Variants in PTPRG observed in about 807,000 individuals in gnomAD.
The protein encoded by PTPRG is protein tyrosine phosphatase receptor type G.
A neutral mutation model predicts 165.3 loss-of-function variants in PTPRG; 102 were observed. That is an observed-to-expected ratio of 0.62 (90% CI 0.53 to 0.73). The LOEUF (loss-of-function observed/expected upper bound fraction) is 0.73, where lower values mean the gene tolerates loss of function less well. Ranked by LOEUF, PTPRG falls within the 30% of genes least tolerant of loss-of-function variation. The probability of loss-of-function intolerance (pLI) is 0.00; values close to 1 mark genes in which losing one functional copy is unlikely to be tolerated. For synonymous variants in PTPRG, 675 were observed against 669.5 expected, an observed-to-expected ratio of 1.01 and a Z score of -0.13; for missense variants, 1,866 against 1,861.4, an observed-to-expected ratio of 1.00 and a Z score of -0.05.
At chr3:61,690,696 T>G (rs1345648763) in intron 1 of PTPRG, among the ~76,000 whole-genome samples, 1 of 152,180 alleles carries the variant, frequency 6.6e-6, no homozygotes, top group East Asian at 1.9e-4. Context: ...AGAAAACTGT[T>G]CACTCAGATG....
At chr3:62,097,005 A>G (rs998540830) in intron 5 of PTPRG, among the ~76,000 whole-genome samples, 4 of 152,200 alleles carry the variant, frequency 2.6e-5, no homozygotes, top group East Asian at 3.9e-4. Context: ...CGCCCATCTT[A>G]AAAGTGAAAT....
intron 15 of PTPRG, among the ~76,000 whole-genome samples, chr3:62,248,287 T>TA (rs1303621916): frequency 1.3e-5 from 2 of 152,162 alleles, no homozygotes; most frequent in African/African-American, 4.8e-5. Context: ...GCAGGAGAGA[T>TA]ACGTTAAACT....
At chr3:62,187,501 G>A (rs1305792965) in intron 8 of PTPRG, among the ~76,000 whole-genome samples, 1 of 152,156 alleles carries the variant, frequency 6.6e-6, no homozygotes, top group African/African-American at 2.4e-5. Context: ...AATTGAACTT[G>A]TGTCCATAGA....
intron 1 of PTPRG, among the ~76,000 whole-genome samples, chr3:61,612,121 T>G (rs1453277686): frequency 1.3e-5 from 2 of 152,128 alleles, no homozygotes; most frequent in Non-Finnish European, 2.9e-5. Context: ...TTTTGTATTT[T>G]TGGTAGAGAC....
At chr3:62,147,290 T>C (rs1336024968) in intron 6 of PTPRG, among the ~76,000 whole-genome samples, 1 of 152,148 alleles carries the variant, frequency 6.6e-6, no homozygotes, top group Non-Finnish European at 1.5e-5. Flanking sequence ...AAACTGAGGC[T>C]AGAGAACCCA....
In PTPRG at chr3:62,262,884, C is replaced by A; in HGVS notation, c.2646C>A (p.Asn882Lys). 6.2e-7 allele frequency: 1 copy of A among 1,609,594 alleles called. No homozygotes were observed. The highest frequency in any genetic ancestry group is 8.5e-7 in the Non-Finnish European group (1 of 1,175,956). ...ACAAGCACAAAAACAGATACATCAACATTTTAGCATGTGAGTAATAAGCTT... is the reference window on the plus strand; with the variant it reads ...ACAAGCACAAAAACAGATACATCAAAATTTTAGCATGTGAGTAATAAGCTT... ...PENKHKNRYINILAYDHSRVK... is the reference protein window; with the variant it reads ...PENKHKNRYIKILAYDHSRVK... Residue 882 changes from asparagine (N) to lysine (K), a missense_variant, in exon 17 of 30, where the codon AAC becomes AAA. By Grantham distance (94) the Asn-to-Lys change is moderately conservative (BLOSUM62 0). Coordinates refer to ENST00000474889, the MANE Select transcript of PTPRG (RefSeq NM_002841.4).
intron 2 of PTPRG, among the ~76,000 whole-genome samples, chr3:61,828,652 C>T (rs770284274): frequency 2.0e-5 from 3 of 152,176 alleles, no homozygotes; most frequent in Non-Finnish European, 2.9e-5. Flanking sequence ...AGTGACTACA[C>T]ATGGTTGGCG....
At chr3:61,581,559 G>C (rs886609686) in intron 1 of PTPRG, among the ~76,000 whole-genome samples, 1 of 151,998 alleles carries the variant, frequency 6.6e-6, no homozygotes, top group African/African-American at 2.4e-5. Context: ...GAATGTGAGA[G>C]GGGGAGCAGG....
At chr3:62,138,066 G>A (rs1442937253) in intron 6 of PTPRG, among the ~76,000 whole-genome samples, 2 of 152,166 alleles carry the variant, frequency 1.3e-5, no homozygotes, top group Non-Finnish European at 2.9e-5. Context: ...GAACTTCTTA[G>A]ACCACTGCTG....
At chr3:62,201,043 G>A (rs1342213131) in intron 10 of PTPRG, among the ~76,000 whole-genome samples, 1 of 152,140 alleles carries the variant, frequency 6.6e-6, no homozygotes, top group African/African-American at 2.4e-5. Flanking sequence ...CTAGCTTTGG[G>A]GGTGGAGGTG....
intron 1 of PTPRG, among the ~76,000 whole-genome samples, chr3:61,713,096 C>T (rs1559569640): frequency 6.6e-6 from 1 of 151,508 alleles, no homozygotes; most frequent in Non-Finnish European, 1.5e-5. Flanking sequence ...CTCCTAAATG[C>T]ATGTCTTTGG....
At chr3:62,056,596 G>T (rs2106672696) in intron 4 of PTPRG, among the ~76,000 whole-genome samples, 1 of 152,254 alleles carries the variant, frequency 6.6e-6, no homozygotes, top group South Asian at 2.1e-4. Flanking sequence ...CATGTGCATT[G>T]TAGGATGTAA....
At chr3:62,272,731 G>A (rs912808057) in intron 21 of PTPRG, among the ~76,000 whole-genome samples, 3 of 152,106 alleles carry the variant, frequency 2.0e-5, no homozygotes, top group African/African-American at 7.2e-5. Flanking sequence ...CCAGCTACTC[G>A]GTAGGCTGAG....
chr3:61,687,085 G>A, intron 1 of PTPRG, among the ~76,000 whole-genome samples: 1 of 152,214 alleles, frequency 6.6e-6, no homozygotes, highest in East Asian at 1.9e-4. Flanking sequence ...AAAGAGATCA[G>A]GTAGAGCTTA....
chr3:61,933,889 C>T (rs186917924), intron 2 of PTPRG, among the ~76,000 whole-genome samples: 1 of 152,288 alleles, frequency 6.6e-6, no homozygotes, highest in African/African-American at 2.4e-5. Context: ...AAATAGTCTC[C>T]ACTGCAGAAA....
In PTPRG at chr3:62,252,782, T is replaced by C. The variant is rs747445731; in HGVS notation, c.2468-2342T>C. On this transcript the variant is annotated intron_variant, in intron 15 of 29. Transcript: ENST00000474889. This position sits in a 1 kb window ranked among gnomAD's most constrained non-coding sequence, Gnocchi z 4.6. Reference sequence around the variant, plus strand: ...AGAGATTTATGACTCCTCAGCTATTTATCTTGATTGCAGGGCAAATGCTGT... The same window carrying C: ...AGAGATTTATGACTCCTCAGCTATTCATCTTGATTGCAGGGCAAATGCTGT... Among the ~76,000 whole-genome samples the C allele has an allele frequency of 1.3e-5, 2 of 152,218 alleles. No homozygotes were observed. Among genetic ancestry groups the C allele is most frequent in the Non-Finnish European group, 2.9e-5 (2 of 68,026 alleles).
chr3:62,032,673 A>T (rs751175169), intron 4 of PTPRG, among the ~76,000 whole-genome samples: 79 of 152,250 alleles, frequency 5.2e-4, no homozygotes, highest in Admixed American at 1.1e-3. Context: ...AGTGAAAGTT[A>T]AATTTCACCT....
chr3:62,019,970 A>C (rs1400048816), intron 4 of PTPRG, among the ~76,000 whole-genome samples: 1 of 152,164 alleles, frequency 6.6e-6, no homozygotes, highest in African/African-American at 2.4e-5. Context: ...GGTCATCCTT[A>C]TAGAAATCTC....
chr3:62,179,531 C>T (rs1176844373), intron 8 of PTPRG, among the ~76,000 whole-genome samples: 6 of 152,348 alleles, frequency 3.9e-5, no homozygotes, highest in South Asian at 4.1e-4. Flanking sequence ...AGAGCCTTCT[C>T]GCTGAGGAGT....
Sources: allele counts gnomAD v4.1 joint callset (sites outside exome capture counted in the v4.1 genomes callset), GRCh38; gene constraint gnomAD v4.1.1; non-coding constraint Gnocchi (gnomAD v3.1); transcripts MANE v1.5; gene names NCBI Gene and HGNC (gene_info 2026-07-23, HGNC 2026-07-21).